KIF13A: variants seen among roughly 807,000 people sequenced by gnomAD.
KIF13A encodes the protein kinesin family member 13A.
Under a neutral mutation model 212.2 loss-of-function variants are expected in KIF13A, and 79 were observed. The observed-to-expected ratio is 0.37, with a 90% CI of 0.31 to 0.45. The LOEUF (loss-of-function observed/expected upper bound fraction) is 0.45. Among genes scored for constraint, KIF13A ranks in the 20% least tolerant of loss-of-function variants. The probability of loss-of-function intolerance (pLI) is 1.00; values close to 1 mark genes in which losing one functional copy is unlikely to be tolerated. For synonymous variants in KIF13A, 789 were observed against 808.6 expected (o/e 0.98, Z 0.41); for missense variants, 1,901 against 2,209.0 (o/e 0.86, Z 2.79).
intron 2 of KIF13A, among the ~76,000 whole-genome samples, chr6:17,973,967 T>G (rs1054964394): frequency 6.6e-6 from 1 of 152,238 alleles, no homozygotes; most frequent in Admixed American, 6.5e-5. Context: ...TACTTTGCAT[T>G]TAGATAAGTT....
intron 38 of KIF13A, 167 bp downstream of exon 38, chr6:17,770,947 C>T (rs1581860356): frequency 1.8e-6 from 1 of 563,910 alleles, no homozygotes; most frequent in Admixed American, 3.6e-5. Flanking sequence ...AATTGTAGGT[C>T]ATGGCCACAT....
At chr6:17,948,621 A>G (rs1408078160) in intron 2 of KIF13A, among the ~76,000 whole-genome samples, 1 of 130,392 alleles carries the variant, frequency 7.7e-6, no homozygotes, top group African/African-American at 3.0e-5. Flanking sequence ...GGACTGCAGC[A>G]GCGTGATCTC....
intron 16 of KIF13A, chr6:17,821,841 G>C: frequency 6.5e-7 from 1 of 1,535,232 alleles, no homozygotes; most frequent in East Asian, 2.4e-5. Context: ...GAGGAAAGAG[G>C]ATCTTCAAAT....
rs1305411880 is a variant in KIF13A, at chr6:17,926,674, T to A, written c.147-28494A>T. On this transcript the variant is annotated intron_variant, in intron 2 of 38. Coordinates refer to ENST00000259711, the MANE Select transcript of KIF13A (RefSeq NM_022113.6). This position sits in a 1 kb window ranked among gnomAD's most constrained non-coding sequence, Gnocchi z 4.3. Reference sequence around the variant, plus strand: ...GGACTAATAAGAAGGAGACTGAAATTTTCTTTGACGTAAAAATTACTTATA... The same window carrying A: ...GGACTAATAAGAAGGAGACTGAAATATTCTTTGACGTAAAAATTACTTATA... 6.6e-6 allele frequency among the ~76,000 whole-genome samples: 1 copy of A among 152,152 alleles called. No individual in the cohort carries two copies. The highest frequency in any genetic ancestry group is 1.5e-5 in the Non-Finnish European group (1 of 68,032).
chr6:17,807,184 AG>A (rs1763036363), intron 18 of KIF13A, among the ~76,000 whole-genome samples: 1 of 152,186 alleles, frequency 6.6e-6, no homozygotes. Context: ...AGTGATTTTT[AG>A]GGAACAAGGG....
rs559750816 is a variant in KIF13A at position 17,815,450 on chromosome 6, C to T, written c.2000+1570G>A. On this transcript the variant is annotated intron_variant, in intron 17 of 38. Coordinates refer to ENST00000259711, the MANE Select transcript of KIF13A (RefSeq NM_022113.6). ...AACTAGTGCCTTCCCCAGGCACTGA[C>T]GCTACTGCTAGACCAAGGCCCGCTA... 11 of 168,680 alleles carry T rather than the reference C, an allele frequency of 6.5e-5. No homozygotes were observed. The South Asian group carries it at 8.0e-4, about 12-fold the overall frequency. 10.4% of individuals were successfully genotyped at this position (168,680 alleles called of 1,614,324 possible). A position where few individuals can be genotyped will look rare whatever the true frequency, so the allele number is the denominator to read the frequency against.
intron 4 of KIF13A, among the ~76,000 whole-genome samples, chr6:17,857,893 G>GT (rs1467644341): frequency 2.0e-5 from 3 of 152,090 alleles, no homozygotes; most frequent in Non-Finnish European, 2.9e-5. Context: ...TTAAATGCCC[G>GT]TAAGTATGAA....
At chr6:17,932,468 A>C (rs1458487728) in intron 2 of KIF13A, among the ~76,000 whole-genome samples, 1 of 152,200 alleles carries the variant, frequency 6.6e-6, no homozygotes, top group East Asian at 1.9e-4. Flanking sequence ...TAGTTGCATA[A>C]GGCTTTTAGA....
rs1477314988 is a variant in KIF13A at position 17,888,457 on chromosome 6, T to G, written c.159+9711A>C. On this transcript the variant is annotated intron_variant, in intron 3 of 38. Transcript: ENST00000259711. The surrounding 1 kb of genome is among the most constrained non-coding windows in gnomAD (Gnocchi z 4.8). ...TCAGTACTAAGCCATGGGTTTGATCTGAAACAGAGCTGTCCCATAGAAATA... is the reference window on the plus strand; with the variant it reads ...TCAGTACTAAGCCATGGGTTTGATCGGAAACAGAGCTGTCCCATAGAAATA... 6.6e-6 allele frequency among the ~76,000 whole-genome samples: 1 copy of G among 152,190 alleles called. No homozygotes were observed. The highest frequency in any genetic ancestry group is 1.5e-5 in the Non-Finnish European group (1 of 68,042).
Position 17,820,408 on chromosome 6 carries a change from T to C in KIF13A, c.1787-3175A>G, listed in dbSNP as rs115885140. Among the ~76,000 whole-genome samples, 215 of 152,292 alleles carry C rather than the reference T, an allele frequency of 1.4e-3. 1 individual carries two copies. Among genetic ancestry groups the C allele is most frequent in the African/African-American group, 5.0e-3 (206 of 41,556 alleles). On this transcript the variant is annotated intron_variant, in intron 16 of 38. Transcript: ENST00000259711. ...TCCCTAACATTAGTCTGCAAACACC[T>C]TTCTCACGGACAACTTTGATGACAT...
intron 9 of KIF13A, among the ~76,000 whole-genome samples, chr6:17,841,042 C>T (rs1258940897): frequency 2.6e-5 from 4 of 151,956 alleles, no homozygotes. Context: ...CTTCCCATAA[C>T]CTGCCTCCCG....
rs1205042809 is a variant in KIF13A at position 17,900,744 on chromosome 6, A to G, written c.147-2564T>C. ...CACCCTGTAATTCATTCATTGATACACCTTTCTTAAGGTTTCTAAGGGACT... is the reference window on the plus strand; with the variant it reads ...CACCCTGTAATTCATTCATTGATACGCCTTTCTTAAGGTTTCTAAGGGACT... On this transcript the variant is annotated intron_variant, in intron 2 of 38. Coordinates refer to ENST00000259711, the MANE Select transcript of KIF13A (RefSeq NM_022113.6). The surrounding 1 kb of genome is among the most constrained non-coding windows in gnomAD (Gnocchi z 4.6). Among the ~76,000 whole-genome samples, 2 of 152,102 alleles carry G rather than the reference A, an allele frequency of 1.3e-5. No homozygotes were observed. Among genetic ancestry groups the G allele is most frequent in the African/African-American group, 4.8e-5 (2 of 41,404 alleles).
chr6:17,855,981 G>T lies in KIF13A; in HGVS notation c.313+49C>A. On this transcript the variant is annotated intron_variant, in intron 5 of 38. Coordinates refer to ENST00000259711, the MANE Select transcript of KIF13A (RefSeq NM_022113.6). The surrounding 1 kb of genome is among the most constrained non-coding windows in gnomAD (Gnocchi z 4.1). ...CCACCCCAGCCTCACCAAGTCCTGG[G>T]ATTATAGGCATGATCCCCCACATCT... 7.6e-7 allele frequency: 1 copy of T among 1,318,552 alleles called. No individual in the cohort carries two copies. Among genetic ancestry groups the T allele is most frequent in the Non-Finnish European group, 1.1e-6 (1 of 917,602 alleles). 81.7% of individuals were successfully genotyped at this position (1,318,552 alleles called of 1,614,324 possible).
Position 17,764,273 on chromosome 6 carries a change from T to A in KIF13A, c.5255A>T (p.Asp1752Val). The A allele has an allele frequency of 6.2e-7, 1 of 1,614,010 alleles. No homozygotes were observed. The highest frequency in any genetic ancestry group is 8.5e-7 in the Non-Finnish European group (1 of 1,179,896). Residue 1752 changes from aspartate (D) to valine (V), a missense_variant, in exon 39 of 39, where the codon GAT becomes GTT. By Grantham distance (152) the Asp-to-Val change is radical. Transcript: ENST00000259711. The surrounding 1 kb of genome is among the most constrained non-coding windows in gnomAD (Gnocchi z 5.1). ...SEGKDFDGLT[D>V]SSAGELSSRR... The stretch of plus-strand genomic sequence containing the variant: ...ACTGGAAAGCTCTCCAGCAGAAGAA[T>A]CTGTCAAACCATCAAAATCTTTTCC...
intron 35 of KIF13A, among the ~76,000 whole-genome samples, chr6:17,774,231 T>TCAACG (rs1160156626): frequency 7.2e-5 from 11 of 152,304 alleles, no homozygotes; most frequent in African/African-American, 2.2e-4. Context: ...ATCTAGTCTC[T>TCAACG]AGCATAGTAA....
rs1777436295 is a variant in KIF13A at position 17,946,769 on chromosome 6, T to C, written c.146+40285A>G. 4.6e-5 allele frequency among the ~76,000 whole-genome samples: 7 copies of C among 152,192 alleles called. No homozygotes were observed. The South Asian group carries it at 1.0e-3, about 22-fold the overall frequency. ...CAAATGTTCATAGCAGCACTGTTCATAAAAGCCCCAAACTGGAAACTACCC... is the reference window on the plus strand; with the variant it reads ...CAAATGTTCATAGCAGCACTGTTCACAAAAGCCCCAAACTGGAAACTACCC... On this transcript the variant is annotated intron_variant, in intron 2 of 38. Transcript: ENST00000259711.
rs1302625152 is a variant in KIF13A at position 17,951,286 on chromosome 6, T to G, written c.146+35768A>C. 1.8e-5 allele frequency: 11 copies of G among 601,960 alleles called. No individual in the cohort carries two copies. Among genetic ancestry groups the G allele is most frequent in the African/African-American group, 9.5e-5 (5 of 52,568 alleles). The allele number at this position is 601,960 out of a possible 1,614,324, so 37.3% of individuals were successfully genotyped here. A position where few individuals can be genotyped will look rare whatever the true frequency, so the allele number is the denominator to read the frequency against. ...GGGACCACAGGTATGCGCCACCACG[T>G]CCAGCTAATTTTAAACAAATTTTTT... On this transcript the variant is annotated intron_variant, in intron 2 of 38. Coordinates refer to ENST00000259711, the MANE Select transcript of KIF13A (RefSeq NM_022113.6). The surrounding 1 kb of genome is among the most constrained non-coding windows in gnomAD (Gnocchi z 4.9).
intron 2 of KIF13A, among the ~76,000 whole-genome samples, chr6:17,916,895 C>T (rs1451360798): frequency 2.0e-5 from 3 of 152,066 alleles, no homozygotes; most frequent in Non-Finnish European, 4.4e-5. Flanking sequence ...CAACTTAGTT[C>T]TCTCTTCCAA....
rs1328958298 is a variant in KIF13A, at chr6:17,776,728, T to C, written c.4170+549A>G. ...GAAGTGGCTGCTTAGAAGTGCTCCATGCACTAATCTGTCCTATCCCTCTGT... is the reference window on the plus strand; with the variant it reads ...GAAGTGGCTGCTTAGAAGTGCTCCACGCACTAATCTGTCCTATCCCTCTGT... On this transcript the variant is annotated intron_variant, in intron 34 of 38. Transcript: ENST00000259711. The surrounding 1 kb of genome is among the most constrained non-coding windows in gnomAD (Gnocchi z 4.6). 2.6e-5 allele frequency among the ~76,000 whole-genome samples: 4 copies of C among 152,234 alleles called. No individual in the cohort carries two copies. The highest frequency in any genetic ancestry group is 2.6e-4 in the Admixed American group (4 of 15,280).
Sources: allele counts gnomAD v4.1 joint callset (sites outside exome capture counted in the v4.1 genomes callset), GRCh38; gene constraint gnomAD v4.1.1; non-coding constraint Gnocchi (gnomAD v3.1); transcripts MANE v1.5; gene names NCBI Gene and HGNC (gene_info 2026-07-23, HGNC 2026-07-21).